The following TAB3 variants were observed in gnomAD, a reference collection of about 807,000 sequenced individuals.
The protein encoded by TAB3 is TGF-beta-activated kinase 1 and MAP3K7-binding protein 3.
TAB3 carries 18 observed loss-of-function variants against 48.1 expected under a neutral mutation model. The ratio of observed to expected loss-of-function variants is 0.37; its 90% confidence interval spans 0.26 to 0.55. TAB3 has a LOEUF of 0.55. Among genes scored for constraint, TAB3 ranks in the 20% least tolerant of loss-of-function variants. The pLI, the probability that TAB3 is intolerant of heterozygous loss-of-function variation, is 0.78. For missense variants in TAB3, 414 were observed against 549.8 expected, an observed-to-expected ratio of 0.75 and a Z score of 2.47; for synonymous variants, 185 against 190.2, an observed-to-expected ratio of 0.97 and a Z score of 0.22.
At chrX:30,845,909 T>C in intron 8 of TAB3, 1 of 861,779 alleles carries the variant, frequency 1.2e-6, no homozygotes. Flanking sequence ...ATTCAACCGA[T>C]GGGAGCAATA....
At chrX:30,832,192 T>C (rs759866569) in intron 10 of TAB3, among the ~76,000 whole-genome samples, 1 of 112,507 alleles carries the variant, frequency 8.9e-6, no homozygotes, top group Non-Finnish European at 1.9e-5. Flanking sequence ...ATTCTCATAT[T>C]CTTTCCTACA....
At position 30,829,555 on chromosome X, in the gene TAB3, T is replaced by C. The variant is rs1937968645; in HGVS notation, c.*1872A>G. The C allele has an allele frequency of 8.9e-6, 1 of 111,816 alleles. No homozygotes were observed. Among genetic ancestry groups the C allele is most frequent in the South Asian group, 3.8e-4 (1 of 2,654 alleles). The allele number at this position is 111,816 out of a possible 1,213,427, so 9.2% of individuals were successfully genotyped here. A position where few individuals can be genotyped will look rare whatever the true frequency, so the allele number is the denominator to read the frequency against. ...TTGAAGAACGTTGTTTTGGGGACCA[T>C]GCTTTTAAGCCCATCTGCTTTCTCA... is the stretch of plus-strand genomic sequence containing the variant. On this transcript the variant is annotated 3_prime_UTR_variant, in exon 11 of 11. Transcript: ENST00000288422.
chrX:30,851,662 A>G (rs747859384), intron 7 of TAB3, among the ~76,000 whole-genome samples: 1 of 112,127 alleles, frequency 8.9e-6, no homozygotes, highest in East Asian at 2.8e-4. Context: ...AAACTTCTCT[A>G]TGAGGGAGTG....
chrX:30,839,941 T>C (rs1938376720), intron 9 of TAB3, among the ~76,000 whole-genome samples: 2 of 93,786 alleles, frequency 2.1e-5, no homozygotes, highest in African/African-American at 8.0e-5. Flanking sequence ...TATATATATA[T>C]ATAATATATA....
chrX:30,843,089 T>G, intron 8 of TAB3, 40 bp from the exon 9 acceptor site: 1 of 787,579 alleles, frequency 1.3e-6, no homozygotes, highest in Non-Finnish European at 1.8e-6. Context: ...TAAGAACTCT[T>G]TTTTCCTGTT....
chrX:30,838,646 C>G (rs1470733595), intron 9 of TAB3, among the ~76,000 whole-genome samples: 2 of 112,416 alleles, frequency 1.8e-5, no homozygotes, highest in Non-Finnish European at 3.8e-5. Flanking sequence ...TTGATTCAGT[C>G]AGTTAATGAA....
chrX:30,853,955 G>A (rs1938958979), intron 6 of TAB3, among the ~76,000 whole-genome samples, 161 bp downstream of exon 6: 1 of 112,544 alleles, frequency 8.9e-6, no homozygotes, highest in African/African-American at 3.2e-5. Context: ...GATTACAGGC[G>A]TGAGCCACCG....
At chrX:30,879,058 A>C (rs745879925) in intron 1 of TAB3, among the ~76,000 whole-genome samples, 2 of 111,704 alleles carry the variant, frequency 1.8e-5, no homozygotes, top group East Asian at 5.6e-4. Flanking sequence ...AAAGAGCAAA[A>C]TAATTCCTAA....
chrX:30,889,227 C>T lies in TAB3; in HGVS notation c.-496G>A, dbSNP rs981962479. On this transcript the variant is annotated 5_prime_UTR_variant, in exon 1 of 11. Transcript: ENST00000288422. The stretch of plus-strand genomic sequence containing the variant: ...CTTCCCCGCCCGAACCCCCAGGGTA[C>T]GCGCCGTGCAGGGCCGGGATCCGGT... 8.7e-6 allele frequency: 1 copy of T among 114,905 alleles called. No individual in the cohort carries two copies. The highest frequency in any genetic ancestry group is 1.8e-5 in the Non-Finnish European group (1 of 54,288). The allele number at this position is 114,905 out of a possible 1,213,427, so 9.5% of individuals were successfully genotyped here.
intron 9 of TAB3, among the ~76,000 whole-genome samples, chrX:30,840,607 G>T (rs1347982788): frequency 6.3e-5 from 7 of 111,211 alleles, no homozygotes; most frequent in Non-Finnish European, 1.3e-4. Flanking sequence ...TCTTGTGATA[G>T]TAAGTCTCAC....
At chrX:30,849,422 T>C (rs928128720) in intron 7 of TAB3, among the ~76,000 whole-genome samples, 1 of 112,412 alleles carries the variant, frequency 8.9e-6, no homozygotes, top group African/African-American at 3.2e-5. Flanking sequence ...CTAATCAATT[T>C]TGTATATACT....
chrX:30,846,545 C>T lies in TAB3; in HGVS notation c.1804+6G>A, dbSNP rs1472729233. 2 of 1,164,271 alleles carry T rather than the reference C, an allele frequency of 1.7e-6. No homozygotes were observed. Among genetic ancestry groups the T allele is most frequent in the African/African-American group, 3.5e-5 (2 of 56,369 alleles). On this transcript the variant is annotated splice_donor_region_variant and intron_variant, in intron 8 of 10. Coordinates refer to ENST00000288422, the MANE Select transcript of TAB3 (RefSeq NM_152787.5). ...CTTATGGTTTACCAAATAATCAAGT[C>T]TATACCTCTAGATTGAAGGAGGTCA...
intron 1 of TAB3, among the ~76,000 whole-genome samples, chrX:30,873,873 G>C (rs987640886): frequency 4.5e-5 from 5 of 111,473 alleles, no homozygotes; most frequent in African/African-American, 1.6e-4. Context: ...AGTTCTGGGG[G>C]AGTCAAAAGT....
At chrX:30,838,900 GT>G (rs769932586) in intron 9 of TAB3, among the ~76,000 whole-genome samples, 395 of 111,470 alleles carry the variant, frequency 3.5e-3, no homozygotes, top group Middle Eastern at 0.014. Flanking sequence ...CTAATAGTTA[GT>G]TGTTTTCCAG....
intron 5 of TAB3, among the ~76,000 whole-genome samples, chrX:30,856,486 T>C (rs896189045): frequency 8.9e-6 from 1 of 112,192 alleles, no homozygotes; most frequent in Non-Finnish European, 1.9e-5. Context: ...AGCAGTTCTC[T>C]AAGGAAATAC....
At position 30,829,505 on chromosome X, in the gene TAB3, A is replaced by G. The variant is rs1241772882; in HGVS notation, c.*1922T>C. 4.5e-5 allele frequency: 5 copies of G among 112,020 alleles called. No homozygotes were observed. The highest frequency in any genetic ancestry group is 9.4e-5 in the Non-Finnish European group (5 of 53,195). The allele number at this position is 112,020 out of a possible 1,213,427, so 9.2% of individuals were successfully genotyped here. On this transcript the variant is annotated 3_prime_UTR_variant, in exon 11 of 11. Coordinates refer to ENST00000288422, the MANE Select transcript of TAB3 (RefSeq NM_152787.5). ...TAGGACGGCTAGACTGTTATTGGAG[A>G]CAGAGACCAGTGTTACAAAAACCTT...
chrX:30,863,380 C>G (rs757005764), intron 4 of TAB3, among the ~76,000 whole-genome samples: 3 of 112,276 alleles, frequency 2.7e-5, no homozygotes, highest in Non-Finnish European at 5.6e-5. Flanking sequence ...AATATTCCAG[C>G]CAATAAATTA....
chrX:30,876,381 C>G (rs1939835674), intron 1 of TAB3, among the ~76,000 whole-genome samples: 1 of 112,314 alleles, frequency 8.9e-6, no homozygotes, highest in Admixed American at 9.4e-5. Flanking sequence ...AGAAGAGACT[C>G]AGAAGGACTC....
intron 4 of TAB3, among the ~76,000 whole-genome samples, chrX:30,865,848 A>T (rs779581070): frequency 8.9e-6 from 1 of 112,541 alleles, no homozygotes; most frequent in African/African-American, 3.2e-5. Flanking sequence ...CAAGTTAAAC[A>T]GTAACAAAAA....
Sources: allele counts gnomAD v4.1 joint callset (sites outside exome capture counted in the v4.1 genomes callset), GRCh38; gene constraint gnomAD v4.1.1; transcripts MANE v1.5; gene names NCBI Gene and HGNC (gene_info 2026-07-23, HGNC 2026-07-21).